CNTN5: variants seen among roughly 807,000 people sequenced by gnomAD.
CNTN5 encodes contactin 5, also known as contactin-5.
CNTN5 carries 77 observed loss-of-function variants against 129.1 expected under a neutral mutation model. The ratio of observed to expected loss-of-function variants is 0.60; its 90% CI spans 0.50 to 0.72. CNTN5 has a LOEUF of 0.72. Among genes scored for constraint, CNTN5 ranks in the 30% least tolerant of loss-of-function variants. The pLI is 0.00. For missense variants in CNTN5, 1,478 were observed against 1,328.8 expected, an observed-to-expected ratio of 1.11 and a Z score of -1.75; for synonymous variants, 509 against 465.6, an observed-to-expected ratio of 1.09 and a Z score of -1.20.
intron 16 of CNTN5, among the ~76,000 whole-genome samples, chr11:100,234,000 C>T (rs1949549646): frequency 6.6e-6 from 1 of 151,980 alleles, no homozygotes; most frequent in African/African-American, 2.4e-5. Flanking sequence ...GATATGGACG[C>T]TTCTCAAAAG....
At chr11:99,472,263 T>A (rs1276160773) in intron 2 of CNTN5, among the ~76,000 whole-genome samples, 2 of 152,194 alleles carry the variant, frequency 1.3e-5, no homozygotes, top group East Asian at 1.9e-4. Context: ...TTTCCAGGAA[T>A]GAAGATTGCT....
intron 1 of CNTN5, among the ~76,000 whole-genome samples, chr11:99,083,378 G>A (rs748898653): frequency 2.0e-5 from 3 of 152,054 alleles, no homozygotes; most frequent in Non-Finnish European, 4.4e-5. Flanking sequence ...ACTTGATTAC[G>A]TCCTTTGGTA....
chr11:99,230,451 C>T (rs575003980), intron 1 of CNTN5, among the ~76,000 whole-genome samples: 1 of 152,054 alleles, frequency 6.6e-6, no homozygotes, highest in South Asian at 2.1e-4. Context: ...TTTTTTGGGA[C>T]TTCTGACTAA....
chr11:100,175,624 G>A (rs1247608401), intron 13 of CNTN5, among the ~76,000 whole-genome samples: 1 of 152,058 alleles, frequency 6.6e-6, no homozygotes, highest in African/African-American at 2.4e-5. Flanking sequence ...AGACACTGAC[G>A]GGAAAATATG....
chr11:99,385,984 C>T (rs1484301911), intron 2 of CNTN5, among the ~76,000 whole-genome samples: 1 of 152,218 alleles, frequency 6.6e-6, no homozygotes, highest in Non-Finnish European at 1.5e-5. Context: ...GACCTGGAGT[C>T]CTCAGTATAT....
chr11:99,924,077 G>A (rs754263722), intron 7 of CNTN5, among the ~76,000 whole-genome samples: 28 of 152,176 alleles, frequency 1.8e-4, no homozygotes, highest in Non-Finnish European at 3.5e-4. Context: ...GACGTGAGCC[G>A]CCACACCCGG....
At chr11:100,216,204 AG>A (rs1949135959) in intron 15 of CNTN5, among the ~76,000 whole-genome samples, 1 of 152,106 alleles carries the variant, frequency 6.6e-6, no homozygotes, top group African/African-American at 2.4e-5. Flanking sequence ...TATTTCAAGG[AG>A]GAGTTAGAAA....
chr11:99,463,887 G>A (rs903929501), intron 2 of CNTN5, among the ~76,000 whole-genome samples: 11 of 152,216 alleles, frequency 7.2e-5, no homozygotes, highest in South Asian at 2.1e-4. Flanking sequence ...ATTTTAAATA[G>A]CAGTTTTTAA....
chr11:100,336,206 G>C (rs1348533745), intron 21 of CNTN5, among the ~76,000 whole-genome samples: 1 of 152,070 alleles, frequency 6.6e-6, no homozygotes, highest in African/African-American at 2.4e-5. Flanking sequence ...CTTCTTTCTG[G>C]GGTCTATTCT....
intron 17 of CNTN5, among the ~76,000 whole-genome samples, chr11:100,266,137 T>G (rs1167014943): frequency 6.6e-6 from 1 of 152,096 alleles, no homozygotes; most frequent in Non-Finnish European, 1.5e-5. Flanking sequence ...ATACTTGTGG[T>G]CTCAGCACTT....
intron 2 of CNTN5, among the ~76,000 whole-genome samples, chr11:99,542,205 T>G (rs1948141675): frequency 1.3e-5 from 2 of 152,112 alleles, no homozygotes; most frequent in African/African-American, 4.8e-5. Context: ...AACTCCTCTC[T>G]TCTAGCAATT....
At chr11:99,079,767 A>G (rs533209725) in intron 1 of CNTN5, among the ~76,000 whole-genome samples, 43 of 152,258 alleles carry the variant, frequency 2.8e-4, no homozygotes, top group African/African-American at 1.0e-3. Flanking sequence ...CTTTCTGACT[A>G]TAAAGCCCTT....
At chr11:99,661,028 T>G (rs993126739) in intron 3 of CNTN5, among the ~76,000 whole-genome samples, 4 of 152,102 alleles carry the variant, frequency 2.6e-5, no homozygotes, top group Non-Finnish European at 5.9e-5. Context: ...TATGAAAATA[T>G]TGATATTTTA....
chr11:99,353,892 G>A (rs1306016247), intron 2 of CNTN5, among the ~76,000 whole-genome samples: 1 of 152,124 alleles, frequency 6.6e-6, no homozygotes, highest in African/African-American at 2.4e-5. Flanking sequence ...ATAAGTAACT[G>A]CTCCAAAGAA....
chr11:100,201,750 G>A (rs1948783815), intron 15 of CNTN5, among the ~76,000 whole-genome samples: 1 of 151,956 alleles, frequency 6.6e-6, no homozygotes, highest in African/African-American at 2.4e-5. Flanking sequence ...AGTAGATACT[G>A]TGGTGTGTTG....
At chr11:100,196,202 T>C (rs926074306) in intron 15 of CNTN5, among the ~76,000 whole-genome samples, 1 of 152,018 alleles carries the variant, frequency 6.6e-6, no homozygotes, top group Admixed American at 6.6e-5. Context: ...CCAGGCTAAC[T>C]GTCCTGGGAC....
In CNTN5 at chr11:99,600,916, T is replaced by C. The variant is rs571554295; in HGVS notation, c.55+44647T>C. Among the ~76,000 whole-genome samples the C allele has an allele frequency of 5.3e-5, 8 of 152,326 alleles. No homozygotes were observed. In the East Asian group the frequency reaches 1.2e-3, roughly 22 times the overall value. ...TTTCTAAGCATCTCTTCACTGAATT[T>C]CGTTGACACTGAACTTCTACTGTAT... On this transcript the variant is annotated intron_variant, in intron 3 of 24. Transcript: ENST00000524871.
At chr11:100,113,934 C>A (rs1302438473) in intron 13 of CNTN5, among the ~76,000 whole-genome samples, 1 of 151,976 alleles carries the variant, frequency 6.6e-6, no homozygotes, top group Non-Finnish European at 1.5e-5. Flanking sequence ...CTAAAACTTA[C>A]CATTTACATA....
chr11:99,467,655 T>G (rs1343061647), intron 2 of CNTN5, among the ~76,000 whole-genome samples: 5 of 152,130 alleles, frequency 3.3e-5, no homozygotes, highest in Non-Finnish European at 7.4e-5. Context: ...CCCACAACAC[T>G]ATCTTAACTT....
Sources: gnomAD v4.1 joint callset for allele counts (sites outside exome capture counted in the v4.1 genomes callset) on GRCh38, gnomAD v4.1.1 for gene constraint, MANE v1.5 for transcripts, NCBI Gene and HGNC (gene_info 2026-07-23, HGNC 2026-07-21) for gene names.